The following MTERF4 variants were observed in gnomAD, a reference collection of about 807,000 sequenced individuals.
MTERF4 encodes transcription termination factor 4, mitochondrial.
MTERF4 carries 17 observed loss-of-function variants against 22.5 expected under a neutral mutation model. The observed-to-expected ratio is 0.75, with a 90% CI of 0.52 to 1.13. The LOEUF (loss-of-function observed/expected upper bound fraction) is 1.13, where lower values mean the gene tolerates loss of function less well. Among genes scored for constraint, MTERF4 ranks in the 50% most tolerant of loss-of-function variants. MTERF4 has a pLI of 0.00. For missense variants in MTERF4, 420 were observed against 466.8 expected (o/e 0.90, Z 0.92); for synonymous variants, 165 against 175.3 (o/e 0.94, Z 0.47).
chr2:241,049,041 C>A, the MTERF4 span: 1 of 1,613,114 alleles, frequency 6.2e-7, no homozygotes, highest in Non-Finnish European at 8.5e-7. Flanking sequence ...CCATGCCCTG[C>A]AACATGAACA....
chr2:241,067,679 C>T (rs2062518270), downstream of MTERF4: 7 of 1,227,062 alleles, frequency 5.7e-6, no homozygotes, highest in South Asian at 1.0e-4. Context: ...CCAGCACCCT[C>T]CCAAGCCTGG....
downstream of MTERF4, among the ~76,000 whole-genome samples, chr2:241,067,480 C>T (rs935360414): frequency 6.6e-6 from 1 of 152,238 alleles, no homozygotes; most frequent in African/African-American, 2.4e-5. Flanking sequence ...ATGTCACTGC[C>T]ACATCTAAAT....
chr2:241,067,290 C>T (rs1247887458), downstream of MTERF4, among the ~76,000 whole-genome samples: 5 of 152,348 alleles, frequency 3.3e-5, no homozygotes, highest in South Asian at 2.1e-4. Flanking sequence ...GGGCGGGAAG[C>T]GGAGCTCACA....
At chr2:241,049,018 C>T in the MTERF4 span, 2 of 1,608,816 alleles carry the variant, frequency 1.2e-6, no homozygotes, top group African/African-American at 1.3e-5. Flanking sequence ...TCCTTTCTCT[C>T]TAGAAATCAC....
chr2:241,085,638 A>G (rs1403748886), downstream of MTERF4, among the ~76,000 whole-genome samples: 1 of 151,964 alleles, frequency 6.6e-6, no homozygotes, highest in Non-Finnish European at 1.5e-5. Context: ...TGATTCTTGA[A>G]TGTCTTATAG....
chr2:241,079,484 A>C (rs1374826761), intron 4 of MTERF4, among the ~76,000 whole-genome samples: 1 of 152,078 alleles, frequency 6.6e-6, no homozygotes. Context: ...AAAATGGAGA[A>C]GGGAAATACA....
At chr2:241,051,745 C>T in the MTERF4 span, 1 of 1,488,660 alleles carries the variant, frequency 6.7e-7, no homozygotes, top group South Asian at 1.4e-5. This position sits in a 1 kb window ranked among gnomAD's most constrained non-coding sequence, Gnocchi z 4.7. Context: ...TCCACACAGC[C>T]CGGCCACACC....
chr2:241,097,304 A>G lies in MTERF4; in HGVS notation c.644T>C (p.Ile215Thr). 6.2e-7 allele frequency: 1 copy of G among 1,614,210 alleles called. No individual in the cohort carries two copies. The highest frequency in any genetic ancestry group is 8.5e-7 in the Non-Finnish European group (1 of 1,180,036). The change falls in exon 3 of 4, where the codon ATT becomes ACT. Residue 215 changes from isoleucine (I) to threonine (T), a missense_variant. Transcript: ENST00000391980. The stretch of plus-strand genomic sequence containing the variant: ...AAGAACAGAGGGGCAACTGTGCAAA[A>G]TCTTGGTGACTTGCTGTACCGTGAA... ...CLFTVQQVTK[I>T]LHSCPSVLRE...
downstream of MTERF4, among the ~76,000 whole-genome samples, chr2:241,086,404 C>A (rs1335110357): frequency 6.6e-6 from 1 of 152,172 alleles, no homozygotes; most frequent in Non-Finnish European, 1.5e-5. Context: ...GTCTCCCCAA[C>A]TTCAATCTCT....
chr2:241,069,065 T>C (rs538315467), downstream of MTERF4: 23 of 1,368,574 alleles, frequency 1.7e-5, no homozygotes, highest in East Asian at 5.5e-4. This position sits in a 1 kb window ranked among gnomAD's most constrained non-coding sequence, Gnocchi z 4.9. Flanking sequence ...AAAGGCCGTC[T>C]TCTAGAAGCT....
downstream of MTERF4, among the ~76,000 whole-genome samples, chr2:241,086,855 G>C (rs74680618): frequency 0.087 from 13,231 of 152,236 alleles, 676 homozygotes; most frequent in African/African-American, 0.14. Context: ...GGTATGAGTA[G>C]GTCCCATTTT....
At chr2:241,049,966 A>G in the MTERF4 span, 1 of 1,532,448 alleles carries the variant, frequency 6.5e-7, no homozygotes, top group Non-Finnish European at 9.0e-7. Context: ...GGCCGGCGTC[A>G]GCACCCTGGA....
chr2:241,057,219 A>T, the MTERF4 span, among the ~76,000 whole-genome samples: 1 of 151,582 alleles, frequency 6.6e-6, no homozygotes, highest in East Asian at 2.0e-4. Flanking sequence ...TCTCTACTAA[A>T]AATACAAAAA....
chr2:241,079,975 G>T (rs2063251715), intron 4 of MTERF4, among the ~76,000 whole-genome samples: 1 of 152,128 alleles, frequency 6.6e-6, no homozygotes, highest in Non-Finnish European at 1.5e-5. Flanking sequence ...AATATAAAAT[G>T]AAAGAAGTTA....
At chr2:241,089,855 C>T (rs571323955), downstream of MTERF4, 24 of 1,426,470 alleles carry the variant, frequency 1.7e-5, no homozygotes, top group Middle Eastern at 1.8e-4. Flanking sequence ...CCCATGCTCC[C>T]GGGCTACACA....
chr2:241,091,305 G>A (rs962416160), downstream of MTERF4, among the ~76,000 whole-genome samples: 6 of 152,228 alleles, frequency 3.9e-5, no homozygotes, highest in South Asian at 2.1e-4. This position sits in a 1 kb window ranked among gnomAD's most constrained non-coding sequence, Gnocchi z 4.1. Flanking sequence ...AGTCGTTACC[G>A]GAAGGAGGAG....
chr2:241,080,020 C>T (rs1387292350), intron 4 of MTERF4, among the ~76,000 whole-genome samples: 5 of 152,140 alleles, frequency 3.3e-5, no homozygotes, highest in Admixed American at 6.5e-5. Flanking sequence ...CGCAGTGGCT[C>T]ACACCTGTAA....
At chr2:241,049,714 A>C in the MTERF4 span, 1 of 794,854 alleles carries the variant, frequency 1.3e-6, no homozygotes, top group Non-Finnish European at 2.1e-6. Context: ...GGTTCCAGAC[A>C]GGATGTCAGG....
rs776227751 is a variant in MTERF4 at position 241,099,410 on chromosome 2, A to C, written c.506T>G (p.Leu169Arg). 9.3e-6 allele frequency: 15 copies of C among 1,612,892 alleles called. No individual in the cohort carries two copies. The Admixed American group carries it at 2.3e-4, about 25-fold the overall frequency. Residue 169 changes from leucine to arginine, a missense_variant, in exon 2 of 4, where the codon CTT becomes CGT. By Grantham distance (102) the Leu-to-Arg change is moderately radical (BLOSUM62 -2). Transcript: ENST00000391980. ...ACTTCTTGTACCTTCTCCAAGCCCA[A>C]GCTTTTGCAGGTAACTGGAGCGCTT... is the stretch of plus-strand genomic sequence containing the variant. The part of the protein sequence containing the change: ...MRKRSSYLQK[L>R]GLGEGKLKRV...
Sources: allele counts gnomAD v4.1 joint callset (sites outside exome capture counted in the v4.1 genomes callset), GRCh38; gene constraint gnomAD v4.1.1; non-coding constraint Gnocchi (gnomAD v3.1); transcripts MANE v1.5; gene names NCBI Gene and HGNC (gene_info 2026-07-23, HGNC 2026-07-21).